Variants in ADGRL3 observed in about 807,000 individuals in gnomAD.
ADGRL3 encodes the protein calcium-independent alpha-latrotoxin receptor 3.
In ADGRL3, 62 loss-of-function variants were observed where a neutral mutation model predicts 153.5. The ratio of observed to expected loss-of-function variants is 0.40; its 90% CI spans 0.33 to 0.50. The LOEUF (loss-of-function observed/expected upper bound fraction) is 0.50, where lower values mean the gene tolerates loss of function less well. Among genes scored for constraint, ADGRL3 ranks in the 20% least tolerant of loss-of-function variants. The probability of loss-of-function intolerance (pLI) is 0.47; values close to 1 mark genes in which losing one functional copy is unlikely to be tolerated. For synonymous variants in ADGRL3, 710 were observed against 672.5 expected, an observed-to-expected ratio of 1.06 and a Z score of -0.86; for missense variants, 1,641 against 1,859.4, an observed-to-expected ratio of 0.88 and a Z score of 2.16.
At chr4:61,654,730 C>T (rs2094391771) in intron 5 of ADGRL3, among the ~76,000 whole-genome samples, 1 of 151,916 alleles carries the variant, frequency 6.6e-6, no homozygotes, top group Admixed American at 6.6e-5. Flanking sequence ...AACCCCATCT[C>T]TACTAAAAAT....
intron 15 of ADGRL3, 41 bp downstream of exon 15, chr4:61,936,086 T>A (rs1189737515): frequency 1.2e-6 from 2 of 1,602,094 alleles, no homozygotes; most frequent in Non-Finnish European, 8.5e-7. Context: ...GGAATTGAAC[T>A]TGCATCAGTT....
chr4:61,245,862 G>A (rs954189256), intron 1 of ADGRL3, among the ~76,000 whole-genome samples: 1 of 149,258 alleles, frequency 6.7e-6, no homozygotes, highest in Middle Eastern at 3.4e-3. Flanking sequence ...CTTTCAGATA[G>A]GGCAATAAAA....
At chr4:62,002,054 C>T (rs1347384963) in intron 21 of ADGRL3, among the ~76,000 whole-genome samples, 2 of 151,896 alleles carry the variant, frequency 1.3e-5, no homozygotes, top group African/African-American at 4.8e-5. Context: ...TTTCTTTAAG[C>T]CACTATCATC....
At chr4:61,323,676 G>A (rs1273397150) in intron 1 of ADGRL3, among the ~76,000 whole-genome samples, 2 of 152,128 alleles carry the variant, frequency 1.3e-5, no homozygotes, top group East Asian at 3.9e-4. Context: ...GACCACCTCA[G>A]CCTGGACCTT....
intron 8 of ADGRL3, among the ~76,000 whole-genome samples, chr4:61,745,853 A>T (rs1051674435): frequency 5.3e-5 from 8 of 152,184 alleles, no homozygotes; most frequent in East Asian, 1.9e-4. Context: ...AAATTCACAC[A>T]TAACAATATT....
At chr4:61,765,704 C>G (rs1289511795) in intron 8 of ADGRL3, among the ~76,000 whole-genome samples, 7 of 152,056 alleles carry the variant, frequency 4.6e-5, no homozygotes, top group Non-Finnish European at 1.0e-4. Flanking sequence ...GGAAAGGCCT[C>G]TACCTATCCA....
chr4:61,913,473 T>G (rs1222730740), intron 13 of ADGRL3, among the ~76,000 whole-genome samples: 1 of 152,132 alleles, frequency 6.6e-6, no homozygotes, highest in Non-Finnish European at 1.5e-5. Context: ...GCTGTAAACT[T>G]TATTCTACAT....
At chr4:61,667,085 G>A (rs2094826582) in intron 5 of ADGRL3, among the ~76,000 whole-genome samples, 1 of 152,128 alleles carries the variant, frequency 6.6e-6, no homozygotes, top group African/African-American at 2.4e-5. Context: ...TTACTCATGT[G>A]TCTGACATAG....
At chr4:61,287,264 A>T (rs999765251) in intron 1 of ADGRL3, among the ~76,000 whole-genome samples, 2 of 151,876 alleles carry the variant, frequency 1.3e-5, no homozygotes, top group Non-Finnish European at 2.9e-5. Context: ...TGCTAATTTT[A>T]ATAATACTAA....
chr4:61,425,343 C>T (rs2097263788), intron 2 of ADGRL3: 1 of 152,260 alleles, frequency 6.6e-6, no homozygotes, highest in Non-Finnish European at 1.5e-5. Flanking sequence ...CCCATGGGAC[C>T]CCAAGTCTCT....
intron 2 of ADGRL3, among the ~76,000 whole-genome samples, chr4:61,489,888 G>T (rs2098239209): frequency 6.6e-6 from 1 of 152,012 alleles, no homozygotes; most frequent in Non-Finnish European, 1.5e-5. Flanking sequence ...AATACTTGGA[G>T]TAATTTATAT....
intron 8 of ADGRL3, among the ~76,000 whole-genome samples, chr4:61,773,059 T>A (rs1443311073): frequency 6.6e-6 from 1 of 152,182 alleles, no homozygotes; most frequent in African/African-American, 2.4e-5. Flanking sequence ...ATTACAATGA[T>A]GCTTAAAATA....
intron 2 of ADGRL3, among the ~76,000 whole-genome samples, chr4:61,465,590 T>G (rs1444331122): frequency 6.6e-6 from 1 of 151,292 alleles, no homozygotes; most frequent in African/African-American, 2.4e-5. Context: ...AATTAAATGT[T>G]AAAAGAAAAT....
At chr4:61,407,185 A>C (rs1225138686) in intron 2 of ADGRL3, among the ~76,000 whole-genome samples, 2 of 152,104 alleles carry the variant, frequency 1.3e-5, no homozygotes, top group Non-Finnish European at 2.9e-5. Context: ...TGCAGATTTC[A>C]TAATAGAGAT....
At chr4:61,507,965 A>G (rs2098440897) in intron 3 of ADGRL3, among the ~76,000 whole-genome samples, 3 of 152,204 alleles carry the variant, frequency 2.0e-5, no homozygotes, top group African/African-American at 7.2e-5. Flanking sequence ...ATACCATTAA[A>G]AAATTTATAT....
At chr4:61,352,078 A>C (rs1472481164) in intron 1 of ADGRL3, among the ~76,000 whole-genome samples, 1 of 152,184 alleles carries the variant, frequency 6.6e-6, no homozygotes, top group Non-Finnish European at 1.5e-5. Context: ...TTCATGGGGA[A>C]ATATCAAAAT....
At chr4:61,298,660 A>T (rs999488397) in intron 1 of ADGRL3, among the ~76,000 whole-genome samples, 6 of 152,204 alleles carry the variant, frequency 3.9e-5, no homozygotes, top group African/African-American at 1.2e-4. Flanking sequence ...CCATTTCTAC[A>T]TTAAAAATAA....
At chr4:62,049,015 CTT>C (rs1416116078) in intron 25 of ADGRL3, among the ~76,000 whole-genome samples, 1 of 152,004 alleles carries the variant, frequency 6.6e-6, no homozygotes, top group African/African-American at 2.4e-5. Flanking sequence ...TAGGCTTTAT[CTT>C]ATTGTAAATA....
intron 5 of ADGRL3, among the ~76,000 whole-genome samples, chr4:61,666,709 T>C (rs2094810704): frequency 6.6e-6 from 1 of 152,144 alleles, no homozygotes; most frequent in African/African-American, 2.4e-5. Context: ...GTATAACATA[T>C]TGCTCCCTTA....
Sources: gnomAD v4.1 joint callset for allele counts (sites outside exome capture counted in the v4.1 genomes callset) on GRCh38, gnomAD v4.1.1 for gene constraint, MANE v1.5 for transcripts, NCBI Gene and HGNC (gene_info 2026-07-23, HGNC 2026-07-21) for gene names.